PRDM5: variants seen among roughly 807,000 people sequenced by gnomAD.
PRDM5 encodes the protein PR/SET domain 5.
Under a neutral mutation model 81.2 loss-of-function variants are expected in PRDM5, and 56 were observed. The observed-to-expected ratio is 0.69, with a 90% CI of 0.56 to 0.86. PRDM5 has a LOEUF of 0.86. Ranked by LOEUF, PRDM5 falls within the 40% of genes least tolerant of loss-of-function variation. The probability of loss-of-function intolerance (pLI) is 0.00; values close to 1 mark genes in which losing one functional copy is unlikely to be tolerated. For missense variants in PRDM5, 697 were observed against 770.1 expected (o/e 0.91, Z 1.12); for synonymous variants, 267 against 256.4 (o/e 1.04, Z -0.39).
intron 8 of PRDM5, among the ~76,000 whole-genome samples, chr4:120,809,626 T>C (rs1034924962): frequency 5.9e-5 from 9 of 152,206 alleles, no homozygotes; most frequent in Non-Finnish European, 1.2e-4. Context: ...TAGGAGATAA[T>C]AAATAGTAAT....
At chr4:120,752,984 G>A (rs1744221795) in intron 14 of PRDM5, among the ~76,000 whole-genome samples, 1 of 152,062 alleles carries the variant, frequency 6.6e-6, no homozygotes, top group Non-Finnish European at 1.5e-5. Context: ...TAATTGAATT[G>A]GAAATGTCTC....
At chr4:120,795,151 C>T (rs183084070) in intron 10 of PRDM5, among the ~76,000 whole-genome samples, 17 of 152,280 alleles carry the variant, frequency 1.1e-4, no homozygotes, top group Admixed American at 9.2e-4. Context: ...AATAGGCACA[C>T]ACCTGTCCCC....
chr4:120,886,246 G>A (rs1032737808), intron 2 of PRDM5, among the ~76,000 whole-genome samples: 8 of 152,070 alleles, frequency 5.3e-5, no homozygotes, highest in Non-Finnish European at 1.2e-4. Context: ...AAAAACATTT[G>A]GTAAAAAGAA....
chr4:120,688,515 C>T (rs952655191), downstream of PRDM5, among the ~76,000 whole-genome samples: 1 of 152,028 alleles, frequency 6.6e-6, no homozygotes, highest in Non-Finnish European at 1.5e-5. Flanking sequence ...CTTTTGTTGT[C>T]TTTGCTTTTG....
At chr4:120,803,822 CATA>C (rs1752490105) in intron 8 of PRDM5, among the ~76,000 whole-genome samples, 1 of 152,184 alleles carries the variant, frequency 6.6e-6, no homozygotes, top group Non-Finnish European at 1.5e-5. Context: ...AAGCTAACAT[CATA>C]ATGATAGGAT....
At chr4:120,803,912 T>C (rs1752506382) in intron 8 of PRDM5, among the ~76,000 whole-genome samples, 2 of 152,112 alleles carry the variant, frequency 1.3e-5, no homozygotes, top group African/African-American at 4.8e-5. Context: ...GACTGGCAAA[T>C]TGGATAGAGA....
chr4:120,881,700 C>G (rs1397049361), intron 2 of PRDM5, among the ~76,000 whole-genome samples: 1 of 152,140 alleles, frequency 6.6e-6, no homozygotes, highest in Non-Finnish European at 1.5e-5. Flanking sequence ...TTGAAAATAA[C>G]TGTATGGAAA....
chr4:120,858,113 T>A (rs1213475154), intron 2 of PRDM5, among the ~76,000 whole-genome samples: 3 of 152,222 alleles, frequency 2.0e-5, no homozygotes, highest in Non-Finnish European at 4.4e-5. Context: ...ATACGTTATG[T>A]TACAGTATTA....
At chr4:120,806,689 A>G (rs1422978059) in intron 8 of PRDM5, among the ~76,000 whole-genome samples, 1 of 152,190 alleles carries the variant, frequency 6.6e-6, no homozygotes, top group Non-Finnish European at 1.5e-5. Flanking sequence ...ACCCTATACA[A>G]AAATTAATTC....
chr4:120,726,784 T>C (rs1739478693), intron 14 of PRDM5, among the ~76,000 whole-genome samples: 1 of 150,772 alleles, frequency 6.6e-6, no homozygotes, highest in Admixed American at 6.6e-5. Flanking sequence ...CAAATGGGGG[T>C]GGGATGGAGA....
intron 1 of PRDM5, among the ~76,000 whole-genome samples, chr4:120,920,069 T>G (rs1337985385): frequency 6.6e-6 from 1 of 152,044 alleles, no homozygotes; most frequent in African/African-American, 2.4e-5. Context: ...ACACCACCAC[T>G]CTAGGAAGCA....
chr4:120,805,078 C>T (rs764355937), intron 8 of PRDM5, among the ~76,000 whole-genome samples: 3 of 152,130 alleles, frequency 2.0e-5, no homozygotes, highest in Non-Finnish European at 4.4e-5. Context: ...AACGCCTCTA[C>T]GCAAATAAAC....
At chr4:120,798,516 T>A in intron 9 of PRDM5, 92 bp from the exon 10 acceptor site, 1 of 1,175,960 alleles carries the variant, frequency 8.5e-7, no homozygotes, top group Non-Finnish European at 1.2e-6. Flanking sequence ...CTTCTTACGG[T>A]AAGAAAACTA....
At chr4:120,766,827 T>C (rs930964481) in intron 13 of PRDM5, among the ~76,000 whole-genome samples, 1 of 152,222 alleles carries the variant, frequency 6.6e-6, no homozygotes, top group Non-Finnish European at 1.5e-5. Flanking sequence ...TCAAGAATAT[T>C]ATTTTTTATT....
chr4:120,696,690 A>C (rs980750966), intron 15 of PRDM5, among the ~76,000 whole-genome samples: 1 of 151,788 alleles, frequency 6.6e-6, no homozygotes, highest in African/African-American at 2.4e-5. Context: ...CACTCAATAA[A>C]TGTCAGTGTA....
intron 10 of PRDM5, among the ~76,000 whole-genome samples, chr4:120,787,234 G>A (rs1749886331): frequency 6.6e-6 from 1 of 152,106 alleles, no homozygotes; most frequent in Non-Finnish European, 1.5e-5. Context: ...GGGTATTCGG[G>A]TGACCTAGTC....
chr4:120,722,933 G>A (rs576801197), intron 14 of PRDM5, among the ~76,000 whole-genome samples: 1 of 152,296 alleles, frequency 6.6e-6, no homozygotes, highest in African/African-American at 2.4e-5. Context: ...ACCCTGTTGA[G>A]CTATTAACCA....
At chr4:120,894,686 G>A (rs1048716512) in intron 2 of PRDM5, among the ~76,000 whole-genome samples, 2 of 152,158 alleles carry the variant, frequency 1.3e-5, no homozygotes, top group African/African-American at 4.8e-5. Flanking sequence ...GTTTAAAACT[G>A]AGAATCTTCT....
chr4:120,717,062 G>GAA (rs5861486), intron 14 of PRDM5, among the ~76,000 whole-genome samples: 18,674 of 137,416 alleles, frequency 0.14, 1,616 homozygotes, highest in Non-Finnish European at 0.21. Context: ...TGAACATTGT[G>GAA]AAAAAAAAAA....
Sources: allele counts gnomAD v4.1 joint callset (sites outside exome capture counted in the v4.1 genomes callset), GRCh38; gene constraint gnomAD v4.1.1; transcripts MANE v1.5; gene names NCBI Gene and HGNC (gene_info 2026-07-23, HGNC 2026-07-21).